Variants in TEX2 observed in about 807,000 individuals in gnomAD.
TEX2 encodes the protein testis expressed 2.
Under a neutral mutation model 106.9 loss-of-function variants are expected in TEX2, and 53 were observed. The ratio of observed to expected loss-of-function variants is 0.50; its 90% CI spans 0.40 to 0.62. The LOEUF (loss-of-function observed/expected upper bound fraction) is 0.62, where lower values mean the gene tolerates loss of function less well. TEX2 is among the 20% of genes least tolerant of loss of function. The pLI is 0.00. For synonymous variants in TEX2, 523 were observed against 534.8 expected (o/e 0.98, Z 0.30); for missense variants, 1,207 against 1,379.0 (o/e 0.88, Z 1.98).
At chr17:64,208,325 AC>A (rs1246515702) in intron 2 of TEX2, among the ~76,000 whole-genome samples, 6 of 150,734 alleles carry the variant, frequency 4.0e-5, no homozygotes, top group African/African-American at 1.5e-4. Context: ...TGCAGCCTTG[AC>A]CCCCTGAGCT....
chr17:64,208,094 T>A (rs1039957038), intron 2 of TEX2, among the ~76,000 whole-genome samples: 3 of 152,150 alleles, frequency 2.0e-5, no homozygotes, highest in African/African-American at 2.4e-5. Flanking sequence ...TGAGCACTGG[T>A]CACAGGAGAG....
intron 1 of TEX2, among the ~76,000 whole-genome samples, chr17:64,237,072 A>G (rs1380099636): frequency 1.3e-5 from 2 of 152,248 alleles, no homozygotes; most frequent in African/African-American, 2.4e-5. Context: ...AAGGGCACCA[A>G]GAGATCACAG....
At chr17:64,163,365 C>T (rs2030974813) in intron 7 of TEX2, among the ~76,000 whole-genome samples, 1 of 152,100 alleles carries the variant, frequency 6.6e-6, no homozygotes, top group African/African-American at 2.4e-5. Flanking sequence ...AACTCCTGAG[C>T]TCAAGTGATC....
At chr17:64,243,073 C>G (rs1378238823) in intron 1 of TEX2, among the ~76,000 whole-genome samples, 1 of 151,988 alleles carries the variant, frequency 6.6e-6, no homozygotes, top group East Asian at 1.9e-4. Context: ...GGACTACAGG[C>G]GCACACCACC....
chr17:64,228,417 G>T (rs369697440), intron 1 of TEX2, among the ~76,000 whole-genome samples: 10 of 152,276 alleles, frequency 6.6e-5, no homozygotes, highest in African/African-American at 2.4e-4. Context: ...GAAGCCCTGA[G>T]CTTGTTTTCC....
intron 7 of TEX2, among the ~76,000 whole-genome samples, chr17:64,165,555 A>T (rs1047113173): frequency 6.6e-6 from 1 of 152,256 alleles, no homozygotes; most frequent in Non-Finnish European, 1.5e-5. Flanking sequence ...AGGCCCAGGC[A>T]GCCCCAGTGG....
At chr17:64,252,955 G>T (rs1413576782) in intron 1 of TEX2, among the ~76,000 whole-genome samples, 8 of 152,158 alleles carry the variant, frequency 5.3e-5, no homozygotes, top group African/African-American at 1.9e-4. Context: ...CCTTCCAACT[G>T]GGAAGAGAAA....
chr17:64,256,546 T>C (rs1247224952), intron 1 of TEX2, among the ~76,000 whole-genome samples: 1 of 152,198 alleles, frequency 6.6e-6, no homozygotes, highest in Non-Finnish European at 1.5e-5. Flanking sequence ...AGACCCCCAG[T>C]TGCTGGTTTC....
intron 4 of TEX2, 185 bp from the exon 5 acceptor site, chr17:64,188,600 A>C (rs1451427028): frequency 2.3e-6 from 2 of 867,690 alleles, no homozygotes; most frequent in Non-Finnish European, 3.4e-6. Context: ...GCGGATCACG[A>C]GGTCAGGAGA....
chr17:64,195,603 C>T lies in TEX2; in HGVS notation c.1645-508G>A, dbSNP rs2032442861. On this transcript the variant is annotated intron_variant, in intron 2 of 11. Transcript: ENST00000584379. This position sits in a 1 kb window ranked among gnomAD's most constrained non-coding sequence, Gnocchi z 4.1. ...ACTACAATATGTACCTCATTGAAAC[C>T]ATGCAGTAAAGCAGATGATTGAGAA... is the stretch of plus-strand genomic sequence containing the variant. Among the ~76,000 whole-genome samples, 1 of 152,150 alleles carries T rather than the reference C, an allele frequency of 6.6e-6. No individual in the cohort carries two copies. The highest frequency in any genetic ancestry group is 2.4e-5 in the African/African-American group (1 of 41,428).
chr17:64,233,190 C>A (rs1358534470), intron 1 of TEX2, among the ~76,000 whole-genome samples: 2 of 152,132 alleles, frequency 1.3e-5, no homozygotes, highest in Non-Finnish European at 2.9e-5. Context: ...CCCCCAAACA[C>A]ACACACATAC....
intron 1 of TEX2, among the ~76,000 whole-genome samples, chr17:64,258,537 C>T (rs1182770366): frequency 3.9e-5 from 6 of 152,150 alleles, no homozygotes; most frequent in African/African-American, 7.2e-5. Context: ...GCCTGGCACA[C>T]GATTCCCCGT....
At chr17:64,166,748 T>G (rs2031157639) in intron 7 of TEX2, among the ~76,000 whole-genome samples, 1 of 152,228 alleles carries the variant, frequency 6.6e-6, no homozygotes, top group Non-Finnish European at 1.5e-5. Context: ...TATTTCTGTT[T>G]TTCCCACAAT....
intron 1 of TEX2, among the ~76,000 whole-genome samples, chr17:64,262,885 G>A (rs1192464121): frequency 6.6e-6 from 1 of 152,204 alleles, no homozygotes; most frequent in Middle Eastern, 3.2e-3. Context: ...CGGGGCCGGG[G>A]ACCGCAGGCT....
chr17:64,206,699 G>A (rs901671644), intron 2 of TEX2, among the ~76,000 whole-genome samples: 2 of 151,854 alleles, frequency 1.3e-5, no homozygotes, highest in East Asian at 1.9e-4. Flanking sequence ...AAGTAGCTAG[G>A]ATTACAGGCA....
chr17:64,227,407 C>A (rs1174569607), intron 1 of TEX2, among the ~76,000 whole-genome samples: 1 of 152,112 alleles, frequency 6.6e-6, no homozygotes, highest in Non-Finnish European at 1.5e-5. Flanking sequence ...CATTAATTCT[C>A]ATTTTCTCCA....
chr17:64,262,878 G>A (rs996488840), intron 1 of TEX2, among the ~76,000 whole-genome samples: 1 of 152,338 alleles, frequency 6.6e-6, no homozygotes, highest in East Asian at 1.9e-4. Flanking sequence ...CCCTGCCCGG[G>A]GCCGGGGACC....
At chr17:64,228,089 T>A (rs1555634117) in intron 1 of TEX2, among the ~76,000 whole-genome samples, 2 of 152,200 alleles carry the variant, frequency 1.3e-5, no homozygotes, top group African/African-American at 4.8e-5. Context: ...TGCCCTCTGG[T>A]TATTTCCTTA....
At chr17:64,234,843 T>G (rs934689724) in intron 1 of TEX2, among the ~76,000 whole-genome samples, 2 of 152,268 alleles carry the variant, frequency 1.3e-5, no homozygotes, top group Admixed American at 6.5e-5. Context: ...GTTACTCTAT[T>G]TAAATACAAA....
Sources: allele counts gnomAD v4.1 joint callset (sites outside exome capture counted in the v4.1 genomes callset), GRCh38; gene constraint gnomAD v4.1.1; non-coding constraint Gnocchi (gnomAD v3.1); transcripts MANE v1.5; gene names NCBI Gene and HGNC (gene_info 2026-07-23, HGNC 2026-07-21).